CTNND2: variants seen among roughly 807,000 people sequenced by gnomAD.
The protein encoded by CTNND2 is catenin delta-2.
Under a neutral mutation model 144.4 loss-of-function variants are expected in CTNND2, and 22 were observed. The ratio of observed to expected loss-of-function variants is 0.15; its 90% CI spans 0.11 to 0.22. The LOEUF is 0.22. CTNND2 is among the 10% of genes least tolerant of loss of function. CTNND2 has a pLI of 1.00. For synonymous variants in CTNND2, 751 were observed against 695.6 expected, an observed-to-expected ratio of 1.08 and a Z score of -1.25; for missense variants, 1,353 against 1,618.8, an observed-to-expected ratio of 0.84 and a Z score of 2.82.
intron 1 of CTNND2, among the ~76,000 whole-genome samples, chr5:11,790,718 G>C (rs972962171): frequency 6.6e-6 from 1 of 152,170 alleles, no homozygotes; most frequent in African/African-American, 2.4e-5. Flanking sequence ...ATGTTTACGG[G>C]TAGTCCTTTG....
chr5:11,442,264 C>A lies in CTNND2; in HGVS notation c.288-30195G>T, dbSNP rs748214038. Among the ~76,000 whole-genome samples, 5 of 152,046 alleles carry A rather than the reference C, an allele frequency of 3.3e-5. No homozygotes were observed. The East Asian group carries it at 9.6e-4, about 29-fold the overall frequency. Reference sequence around the variant, plus strand: ...TCTTACTAGCCACTGGCTTTTTTCTCTAACTCAGTTTTCAATAAAATAGTA... The same window carrying A: ...TCTTACTAGCCACTGGCTTTTTTCTATAACTCAGTTTTCAATAAAATAGTA... On this transcript the variant is annotated intron_variant, in intron 3 of 21. Transcript: ENST00000304623.
At chr5:11,687,369 T>C (rs1315717709) in intron 2 of CTNND2, among the ~76,000 whole-genome samples, 1 of 152,184 alleles carries the variant, frequency 6.6e-6, no homozygotes, top group Non-Finnish European at 1.5e-5. Context: ...CCCACAGTCA[T>C]TTCCAGGGCC....
intron 12 of CTNND2, among the ~76,000 whole-genome samples, chr5:11,149,021 G>A (rs1447444530): frequency 6.6e-6 from 1 of 152,216 alleles, no homozygotes; most frequent in Non-Finnish European, 1.5e-5. Flanking sequence ...GTTCCTTTGT[G>A]TTCTAGGAAG....
chr5:11,874,324 AC>A (rs1461450937), intron 1 of CTNND2, among the ~76,000 whole-genome samples: 4 of 152,162 alleles, frequency 2.6e-5, no homozygotes, highest in African/African-American at 9.7e-5. Flanking sequence ...AATCCCCAAA[AC>A]CGCAGAAAGT....
intron 10 of CTNND2, among the ~76,000 whole-genome samples, chr5:11,234,952 C>A (rs1213935955): frequency 6.6e-6 from 1 of 152,224 alleles, no homozygotes; most frequent in African/African-American, 2.4e-5. Context: ...CATAAAAACT[C>A]CACGACAGTT....
chr5:11,491,928 C>T (rs373566112), intron 3 of CTNND2, among the ~76,000 whole-genome samples: 17 of 152,300 alleles, frequency 1.1e-4, no homozygotes, highest in African/African-American at 3.6e-4. Context: ...GTCACCAAAA[C>T]ACTGCTATTT....
intron 2 of CTNND2, chr5:11,588,947 G>A (rs1027066543): frequency 1.0e-6 from 1 of 985,252 alleles, no homozygotes; most frequent in Non-Finnish European, 1.2e-6. Flanking sequence ...CGAGAAGGGA[G>A]TGAAGAACAG....
At chr5:11,451,214 C>T (rs892296917) in intron 3 of CTNND2, among the ~76,000 whole-genome samples, 5 of 151,948 alleles carry the variant, frequency 3.3e-5, no homozygotes, top group East Asian at 1.9e-4. Context: ...TGTCCCGTAA[C>T]GTCTTTGTCA....
chr5:11,481,056 A>C (rs1015013806), intron 3 of CTNND2, among the ~76,000 whole-genome samples: 4 of 152,198 alleles, frequency 2.6e-5, no homozygotes, highest in African/African-American at 9.6e-5. Flanking sequence ...ATGATTATAT[A>C]AAGCCCCACA....
intron 16 of CTNND2, among the ~76,000 whole-genome samples, chr5:11,046,910 C>T (rs1361324377): frequency 1.3e-5 from 2 of 152,196 alleles, no homozygotes; most frequent in Admixed American, 6.5e-5. Flanking sequence ...AGAGCCAGCA[C>T]TGACGAAATG....
intron 7 of CTNND2, among the ~76,000 whole-genome samples, chr5:11,367,276 C>T (rs1757072656): frequency 6.6e-6 from 1 of 152,060 alleles, no homozygotes; most frequent in African/African-American, 2.4e-5. Flanking sequence ...GCAAGAGAGA[C>T]ACAGAGAACT....
At chr5:11,260,078 G>A (rs1014594491) in intron 9 of CTNND2, among the ~76,000 whole-genome samples, 2 of 152,142 alleles carry the variant, frequency 1.3e-5, no homozygotes, top group African/African-American at 4.8e-5. Context: ...CATTACATCC[G>A]AGATGGCCCT....
chr5:11,258,755 T>G (rs1046032478), intron 9 of CTNND2, among the ~76,000 whole-genome samples: 1 of 152,156 alleles, frequency 6.6e-6, no homozygotes, highest in Non-Finnish European at 1.5e-5. Context: ...GGATTTTAGG[T>G]CATTATTAAC....
chr5:11,802,561 C>T (rs1181073029), intron 1 of CTNND2, among the ~76,000 whole-genome samples: 1 of 146,528 alleles, frequency 6.8e-6, no homozygotes, highest in Admixed American at 6.6e-5. Flanking sequence ...GAGCGAAACT[C>T]CATCTCAAAA....
At chr5:11,873,417 A>T in intron 1 of CTNND2, among the ~76,000 whole-genome samples, 1 of 152,206 alleles carries the variant, frequency 6.6e-6, no homozygotes, top group Non-Finnish European at 1.5e-5. Flanking sequence ...TCCCAAACCT[A>T]GTTAGTGGAT....
chr5:11,646,632 AATAT>A (rs1782371798), intron 2 of CTNND2, among the ~76,000 whole-genome samples: 1 of 58,846 alleles, frequency 1.7e-5, no homozygotes, highest in African/African-American at 1.6e-4. Flanking sequence ...TTTCTTAGGA[AATAT>A]CAAGTAAATT....
chr5:11,006,026 G>A (rs1412990560), intron 18 of CTNND2, among the ~76,000 whole-genome samples: 6 of 152,000 alleles, frequency 3.9e-5, no homozygotes, highest in Admixed American at 3.9e-4. Flanking sequence ...ATGCTGTGAA[G>A]TTCTCATGAG....
chr5:11,090,830 T>C (rs762801552), intron 15 of CTNND2, among the ~76,000 whole-genome samples: 2 of 151,946 alleles, frequency 1.3e-5, no homozygotes, highest in African/African-American at 2.4e-5. Flanking sequence ...GCTTTATAGA[T>C]GCTGCCTCCC....
chr5:11,678,570 G>A (rs1784281878), intron 2 of CTNND2, among the ~76,000 whole-genome samples: 1 of 152,080 alleles, frequency 6.6e-6, no homozygotes, highest in Non-Finnish European at 1.5e-5. Context: ...TTATTAAGAC[G>A]AAGCCCTCTA....
Sources: gnomAD v4.1 joint callset for allele counts (sites outside exome capture counted in the v4.1 genomes callset) on GRCh38, gnomAD v4.1.1 for gene constraint, MANE v1.5 for transcripts, NCBI Gene and HGNC (gene_info 2026-07-23, HGNC 2026-07-21) for gene names.